The following CATSPERE variants were observed in gnomAD, a reference collection of about 807,000 sequenced individuals.
CATSPERE encodes the protein cation channel sperm-associated auxiliary subunit epsilon.
In CATSPERE, 93 loss-of-function variants were observed where a neutral mutation model predicts 114.1. The ratio of observed to expected loss-of-function variants is 0.81; its 90% CI spans 0.69 to 0.97. The LOEUF (loss-of-function observed/expected upper bound fraction) is 0.97. Ranked by LOEUF, CATSPERE falls within the 50% of genes least tolerant of loss-of-function variation. The pLI is 0.00. For synonymous variants in CATSPERE, 341 were observed against 384.1 expected (o/e 0.89, Z 1.31); for missense variants, 1,058 against 1,131.6 (o/e 0.93, Z 0.93).
chr1:244,630,474 A>C (rs935147778), intron 20 of CATSPERE, among the ~76,000 whole-genome samples: 1 of 152,182 alleles, frequency 6.6e-6, no homozygotes, highest in African/African-American at 2.4e-5. Flanking sequence ...TGGGGGTGGT[A>C]TGGATTTGCT....
chr1:244,572,905 TAAA>T (rs1294004687), intron 11 of CATSPERE, 133 bp downstream of exon 11: 1 of 656,838 alleles, frequency 1.5e-6, no homozygotes, highest in Admixed American at 3.7e-5. Flanking sequence ...TTTTAATAAA[TAAA>T]AACACAATAA....
intron 14 of CATSPERE, among the ~76,000 whole-genome samples, chr1:244,589,992 A>C (rs1572901000): frequency 6.6e-6 from 1 of 152,144 alleles, no homozygotes; most frequent in East Asian, 1.9e-4. Context: ...CTGGAATAGC[A>C]TGGGGTCCAA....
chr1:244,485,511 CT>C lies in CATSPERE; in HGVS notation c.327-4927del, dbSNP rs1304050343. 6.6e-5 allele frequency among the ~76,000 whole-genome samples: 10 copies of C among 151,244 alleles called. No individual in the cohort carries two copies. The East Asian group carries it at 9.7e-4, about 15-fold the overall frequency. ...TTTTAAATATTCGTTCTCCCTTATT[CT>C]TTTTTTTTCTTTCTAGATTTTCTTA... On this transcript the variant is annotated intron_variant, in intron 5 of 21. Transcript: ENST00000366534.
chr1:244,638,317 T>C (rs1297204567), intron 21 of CATSPERE, among the ~76,000 whole-genome samples: 1 of 152,246 alleles, frequency 6.6e-6, no homozygotes, highest in Non-Finnish European at 1.5e-5. Flanking sequence ...CTCATCTTAT[T>C]AGATCTTTCT....
intron 11 of CATSPERE, among the ~76,000 whole-genome samples, chr1:244,578,728 T>TAC (rs1329304885): frequency 2.0e-5 from 3 of 149,218 alleles, no homozygotes; most frequent in Non-Finnish European, 3.0e-5. Flanking sequence ...TATATATATA[T>TAC]ACACACACAT....
At position 244,609,499 on chromosome 1, in the gene CATSPERE, C is replaced by T. The variant is rs535581713; in HGVS notation, c.2404-741C>T. ...CCGAGTAGCCGGGGTTACAGGTGCA[C>T]GCCACCACACCCAGCTAATTTTTAT... On this transcript the variant is annotated intron_variant, in intron 18 of 21. Transcript: ENST00000366534. 1.1e-4 allele frequency among the ~76,000 whole-genome samples: 16 copies of T among 151,944 alleles called. No homozygotes were observed. In the East Asian group the frequency reaches 1.2e-3, roughly 11 times the overall value.
intron 9 of CATSPERE, among the ~76,000 whole-genome samples, chr1:244,553,772 C>G (rs569471615): frequency 4.6e-5 from 7 of 152,038 alleles, no homozygotes; most frequent in South Asian, 4.2e-4. Flanking sequence ...ACTTATTCTT[C>G]TATTTAACTG....
Position 244,504,874 on chromosome 1 carries a change from T to C in CATSPERE, c.429+5795T>C, listed in dbSNP as rs1252306054. Reference sequence around the variant, plus strand: ...CTTCTCCCTGTCCATGTTGTTCGCCTTGGAAGTAAGTCACTCAGTACAGTT... The same window carrying C: ...CTTCTCCCTGTCCATGTTGTTCGCCCTGGAAGTAAGTCACTCAGTACAGTT... On this transcript the variant is annotated intron_variant, in intron 7 of 21. Transcript: ENST00000366534. The surrounding 1 kb of genome is among the most constrained non-coding windows in gnomAD (Gnocchi z 4.1). Among the ~76,000 whole-genome samples the C allele has an allele frequency of 6.6e-6, 1 of 152,236 alleles. No individual in the cohort carries two copies. Among genetic ancestry groups the C allele is most frequent in the Non-Finnish European group, 1.5e-5 (1 of 68,042 alleles).
At chr1:244,590,767 C>A (rs926326609) in intron 14 of CATSPERE, among the ~76,000 whole-genome samples, 95 of 152,338 alleles carry the variant, frequency 6.2e-4, no homozygotes, top group African/African-American at 2.2e-3. Context: ...TGTATTAGTC[C>A]TTCCTTCCCT....
intron 2 of CATSPERE, among the ~76,000 whole-genome samples, chr1:244,466,483 C>T (rs909071953): frequency 6.6e-6 from 1 of 152,156 alleles, no homozygotes. Context: ...AGCCAGTACA[C>T]ACTTGGGTAG....
At chr1:244,557,579 AT>A (rs1357165521) in intron 9 of CATSPERE, among the ~76,000 whole-genome samples, 1 of 98,254 alleles carries the variant, frequency 1.0e-5, no homozygotes, top group Non-Finnish European at 2.0e-5. Flanking sequence ...ATATATATAT[AT>A]ATAAAATCTC....
intron 6 of CATSPERE, among the ~76,000 whole-genome samples, chr1:244,493,082 T>C (rs1383083917): frequency 6.6e-6 from 1 of 151,120 alleles, no homozygotes; most frequent in Non-Finnish European, 1.5e-5. Context: ...CTTCACAGAA[T>C]TGGAAAAAAC....
chr1:244,497,417 T>G (rs1240386044), intron 6 of CATSPERE, among the ~76,000 whole-genome samples: 1 of 150,756 alleles, frequency 6.6e-6, no homozygotes, highest in South Asian at 2.1e-4. Context: ...AAAAAAAAAA[T>G]GAGCGAATGA....
intron 1 of CATSPERE, among the ~76,000 whole-genome samples, chr1:244,454,927 C>T (rs1340876674): frequency 6.6e-6 from 1 of 152,098 alleles, no homozygotes. Flanking sequence ...TGAAATTTCT[C>T]TGTCTTGTTT....
At chr1:244,513,576 A>T (rs1676107000) in intron 7 of CATSPERE, among the ~76,000 whole-genome samples, 1 of 152,132 alleles carries the variant, frequency 6.6e-6, no homozygotes, top group Admixed American at 6.5e-5. Flanking sequence ...GTGAAGGTGG[A>T]TGTAGGCAGG....
intron 17 of CATSPERE, chr1:244,598,635 C>A (rs893345534): frequency 5.9e-6 from 2 of 339,048 alleles, no homozygotes; most frequent in Non-Finnish European, 1.2e-5. Context: ...CACGGTGTGG[C>A]ACTGGACACA....
At position 244,640,055 on chromosome 1, in the gene CATSPERE, C is replaced by A; in HGVS notation, c.2830C>A (p.Pro944Thr). The A allele has an allele frequency of 6.5e-7, 1 of 1,548,838 alleles. No individual in the cohort carries two copies. The highest frequency in any genetic ancestry group is 1.2e-5 in the South Asian group (1 of 83,514). ...ATATATTTATGAACCACTTCACAAA[C>A]CTCAAAGAAAACGTAAGAAGAATTA... ...RRYIYEPLHK[P>T]QRKRKKN Residue 944 changes from proline to threonine, a missense_variant, in exon 22 of 22, where the codon CCT (proline) becomes ACT (threonine). Around this residue, in one of 2 missense-constraint regions of CATSPERE, gnomAD observed 787 missense variants for 905.6 expected, o/e 0.87. Coordinates refer to ENST00000366534, the MANE Select transcript of CATSPERE (RefSeq NM_001130957.2).
intron 4 of CATSPERE, 108 bp downstream of exon 4, chr1:244,478,083 T>C: frequency 1.3e-6 from 1 of 749,112 alleles, no homozygotes; most frequent in African/African-American, 1.8e-5. Context: ...TTAACCTGTT[T>C]TAAATAGTAT....
chr1:244,553,624 C>CACACACACACACACACATATATACAT (rs1558485020), intron 9 of CATSPERE, among the ~76,000 whole-genome samples: 16 of 144,502 alleles, frequency 1.1e-4, no homozygotes, highest in African/African-American at 4.4e-4. Flanking sequence ...CACACACACA[C>CACACACACACACACACATATATACAT]ACACACACAC....
Sources: gnomAD v4.1 joint callset for allele counts (sites outside exome capture counted in the v4.1 genomes callset) on GRCh38, gnomAD v4.1.1 for gene constraint, gnomAD v4.1.1 regional missense constraint, Gnocchi (gnomAD v3.1) non-coding constraint, MANE v1.5 for transcripts, NCBI Gene and HGNC (gene_info 2026-07-23, HGNC 2026-07-21) for gene names.